LRRC7: variants seen among roughly 807,000 people sequenced by gnomAD.
LRRC7 encodes leucine-rich repeat-containing protein 7.
Under a neutral mutation model 175.7 loss-of-function variants are expected in LRRC7, and 23 were observed. The observed-to-expected ratio is 0.13, with a 90% CI of 0.09 to 0.19. The LOEUF is 0.19. Among genes scored for constraint, LRRC7 ranks in the 10% least tolerant of loss-of-function variants. The pLI, the probability that LRRC7 is intolerant of heterozygous loss-of-function variation, is 1.00. For synonymous variants in LRRC7, 685 were observed against 680.9 expected (o/e 1.01, Z -0.09); for missense variants, 1,354 against 1,904.7 (o/e 0.71, Z 5.38).
intron 7 of LRRC7, among the ~76,000 whole-genome samples, chr1:69,898,521 A>G (rs1277489809): frequency 6.6e-6 from 1 of 152,250 alleles, no homozygotes; most frequent in Non-Finnish European, 1.5e-5. Flanking sequence ...AAGCAAAAGC[A>G]ATTTTAAAAG....
chr1:69,713,777 A>T (rs1665043594), intron 2 of LRRC7, among the ~76,000 whole-genome samples: 1 of 151,502 alleles, frequency 6.6e-6, no homozygotes, highest in Non-Finnish European at 1.5e-5. Context: ...AAAGGGTTTG[A>T]ATTCTGGGGA....
At chr1:69,707,749 G>T (rs1664227235) in intron 2 of LRRC7, among the ~76,000 whole-genome samples, 1 of 152,106 alleles carries the variant, frequency 6.6e-6, no homozygotes, top group Non-Finnish European at 1.5e-5. Context: ...TTATAGTCTT[G>T]GAGGTAGGTA....
chr1:69,585,355 A>C (rs2100933233), intron 1 of LRRC7, among the ~76,000 whole-genome samples: 1 of 152,248 alleles, frequency 6.6e-6, no homozygotes, highest in Admixed American at 6.5e-5. Context: ...AGCAAAAGGG[A>C]AGCATATACA....
At chr1:69,776,028 C>A (rs1469249420) in intron 3 of LRRC7, among the ~76,000 whole-genome samples, 3 of 152,134 alleles carry the variant, frequency 2.0e-5, no homozygotes, top group Admixed American at 6.6e-5. Flanking sequence ...AGACAAAGAG[C>A]AGCCCAAAGT....
At chr1:70,110,377 C>G (rs1665443933) in intron 26 of LRRC7, among the ~76,000 whole-genome samples, 1 of 151,834 alleles carries the variant, frequency 6.6e-6, no homozygotes. Context: ...GAGAATCTGT[C>G]TTAAAAAAAT....
intron 7 of LRRC7, among the ~76,000 whole-genome samples, chr1:69,926,851 T>C (rs1647091835): frequency 1.3e-5 from 2 of 152,240 alleles, no homozygotes; most frequent in Non-Finnish European, 2.9e-5. Context: ...CCTGTCGTTA[T>C]GCTGTTAGCT....
chr1:69,900,108 T>C (rs1455970016), intron 7 of LRRC7, among the ~76,000 whole-genome samples: 1 of 152,180 alleles, frequency 6.6e-6, no homozygotes, highest in Non-Finnish European at 1.5e-5. Context: ...CATTCCAAAT[T>C]TGTAGGCTGT....
chr1:69,877,111 T>C (rs1302556079), intron 7 of LRRC7, among the ~76,000 whole-genome samples: 1 of 152,116 alleles, frequency 6.6e-6, no homozygotes, highest in Non-Finnish European at 1.5e-5. Flanking sequence ...GGAGTAACCA[T>C]GAGGTAGACA....
chr1:69,924,724 AT>A (rs1408718451), intron 7 of LRRC7, among the ~76,000 whole-genome samples: 6 of 152,198 alleles, frequency 3.9e-5, no homozygotes, highest in Non-Finnish European at 8.8e-5. Flanking sequence ...TTTCCTAGAT[AT>A]ACAATCATGT....
chr1:69,798,277 T>C (rs1233917544), intron 4 of LRRC7, among the ~76,000 whole-genome samples: 1 of 152,110 alleles, frequency 6.6e-6, no homozygotes, highest in Non-Finnish European at 1.5e-5. Context: ...AAATAGTGAA[T>C]CTTGGTGACT....
intron 7 of LRRC7, among the ~76,000 whole-genome samples, chr1:69,847,938 G>A (rs968478007): frequency 1.3e-5 from 2 of 152,070 alleles, no homozygotes; most frequent in South Asian, 4.1e-4. Flanking sequence ...CAACATTTCT[G>A]GCTTCGTTGC....
intron 1 of LRRC7, among the ~76,000 whole-genome samples, chr1:69,653,451 A>C (rs1377897398): frequency 1.3e-5 from 2 of 152,058 alleles, no homozygotes; most frequent in African/African-American, 4.8e-5. Flanking sequence ...CAAGATGGTC[A>C]TAATCAGTTT....
intron 1 of LRRC7, among the ~76,000 whole-genome samples, chr1:69,620,160 T>C (rs1650329843): frequency 6.6e-6 from 1 of 152,158 alleles, no homozygotes; most frequent in African/African-American, 2.4e-5. Flanking sequence ...TTAAAGAAAT[T>C]TGCAACATTC....
chr1:69,964,337 G>C (rs1202999090), intron 8 of LRRC7, among the ~76,000 whole-genome samples: 1 of 152,040 alleles, frequency 6.6e-6, no homozygotes, highest in African/African-American at 2.4e-5. Context: ...CACCTATTAC[G>C]TATGAGGAAA....
At position 70,132,959 on chromosome 1, in the gene LRRC7, C is replaced by T. The variant is rs1468059442; in HGVS notation, c.*11072C>T. Reference sequence around the variant, plus strand: ...TCCTGGAGCGAAGGGGTGAACATTTCCCTCTGTAACCCACCCTTATAAAGC... The same window carrying T: ...TCCTGGAGCGAAGGGGTGAACATTTTCCTCTGTAACCCACCCTTATAAAGC... On this transcript the variant is annotated 3_prime_UTR_variant, in exon 27 of 27. Coordinates refer to ENST00000651989, the MANE Select transcript of LRRC7 (RefSeq NM_001370785.2). Among the ~76,000 whole-genome samples, 2 of 152,104 alleles carry T rather than the reference C, an allele frequency of 1.3e-5. No individual in the cohort carries two copies. Among genetic ancestry groups the T allele is most frequent in the African/African-American group, 4.8e-5 (2 of 41,420 alleles).
chr1:69,886,037 G>C (rs61782588), intron 7 of LRRC7, among the ~76,000 whole-genome samples: 51 of 149,284 alleles, frequency 3.4e-4, no homozygotes, highest in East Asian at 1.0e-3. Context: ...TTACTTCCAA[G>C]TATGTGGTCA....
intron 3 of LRRC7, among the ~76,000 whole-genome samples, chr1:69,781,839 AAGGAAGGG>A (rs1557720537): frequency 1.4e-4 from 12 of 85,122 alleles, no homozygotes; most frequent in African/African-American, 1.9e-4. Flanking sequence ...GGAAGGAAGG[AAGGAAGGG>A]AGAGAAAGAA....
chr1:69,904,391 C>G (rs1241262287), intron 7 of LRRC7, among the ~76,000 whole-genome samples: 2 of 151,936 alleles, frequency 1.3e-5, no homozygotes, highest in Admixed American at 1.3e-4. Context: ...GAATCACAGA[C>G]ATGGTTTCTG....
chr1:69,798,522 A>T (rs1423963598), intron 4 of LRRC7, among the ~76,000 whole-genome samples: 1 of 152,168 alleles, frequency 6.6e-6, no homozygotes, highest in Admixed American at 6.6e-5. Flanking sequence ...TAAAATATTT[A>T]TGCACCTTTA....
Sources: gnomAD v4.1 joint callset for allele counts (sites outside exome capture counted in the v4.1 genomes callset) on GRCh38, gnomAD v4.1.1 for gene constraint, MANE v1.5 for transcripts, NCBI Gene and HGNC (gene_info 2026-07-23, HGNC 2026-07-21) for gene names.